GATM: variants seen among roughly 807,000 people sequenced by gnomAD.
The protein encoded by GATM is glycine amidinotransferase, also known as glycine amidinotransferase, mitochondrial.
GATM carries 23 observed loss-of-function variants against 54.2 expected under a neutral mutation model. The ratio of observed to expected loss-of-function variants is 0.42; its 90% CI spans 0.31 to 0.60. GATM has a LOEUF of 0.60. GATM is among the 20% of genes least tolerant of loss of function. The probability of loss-of-function intolerance (pLI) is 0.14; values close to 1 mark genes in which losing one functional copy is unlikely to be tolerated. For missense variants in GATM, 401 were observed against 544.9 expected, an observed-to-expected ratio of 0.74 and a Z score of 2.63; for synonymous variants, 168 against 183.1, an observed-to-expected ratio of 0.92 and a Z score of 0.67.
rs1288775 is a variant in GATM, at chr15:45,369,480, T to G, written c.330A>C (p.Gln110His). Residue 110 changes from glutamine to histidine, a missense_variant, in exon 3 of 9, where the codon CAA becomes CAC. Coordinates refer to ENST00000396659, the MANE Select transcript of GATM (RefSeq NM_001482.3). The part of the protein sequence containing the change: ...YEKYWPFYQK[Q>H]GGHYFPKDHL... Reference sequence around the variant, plus strand: ...GATCTTTGGGAAAATAATGCCCTCCTTGCTTCTGGTAAAATGGCCAGTACT... The same window carrying G: ...GATCTTTGGGAAAATAATGCCCTCCGTGCTTCTGGTAAAATGGCCAGTACT... 6.2e-7 allele frequency: 1 copy of G among 1,613,328 alleles called. No individual in the cohort carries two copies. Among genetic ancestry groups the G allele is most frequent in the African/African-American group, 1.3e-5 (1 of 74,880 alleles).
intron 3 of GATM, among the ~76,000 whole-genome samples, chr15:45,384,304 T>C (rs952233197): frequency 6.6e-6 from 1 of 152,208 alleles, no homozygotes; most frequent in Non-Finnish European, 1.5e-5. Context: ...CTTCTTAGGA[T>C]AATGCTATAC....
chr15:45,369,788 G>A (rs1397680245), intron 2 of GATM: 11 of 462,284 alleles, frequency 2.4e-5, no homozygotes, highest in African/African-American at 2.2e-4. Flanking sequence ...CTAACAGCAT[G>A]TTTACCTTCA....
chr15:45,370,340 C>T (rs1345494141), intron 2 of GATM, among the ~76,000 whole-genome samples: 3 of 148,622 alleles, frequency 2.0e-5, no homozygotes, highest in Non-Finnish European at 4.4e-5. Context: ...CGTGCCACTG[C>T]ACTCCAGCCT....
chr15:45,376,515 G>C, intron 2 of GATM, 86 bp downstream of exon 2: 2 of 1,121,742 alleles, frequency 1.8e-6, no homozygotes, highest in South Asian at 2.5e-5. Context: ...AGGTCTGGGA[G>C]TAAGCTGAAG....
chr15:45,399,967 A>C (rs1889979323), intron 1 of GATM, among the ~76,000 whole-genome samples: 3 of 152,228 alleles, frequency 2.0e-5, no homozygotes, highest in African/African-American at 7.2e-5. Context: ...CATGCCTGTA[A>C]TCTCAGCACT....
At chr15:45,365,652 G>A (rs1016911834) in intron 6 of GATM, among the ~76,000 whole-genome samples, 2 of 152,224 alleles carry the variant, frequency 1.3e-5, no homozygotes, top group Non-Finnish European at 2.9e-5. Context: ...CTACCCCACT[G>A]TAGAGGGAAT....
chr15:45,391,854 A>C (rs770220220), intron 3 of GATM, among the ~76,000 whole-genome samples: 11 of 152,356 alleles, frequency 7.2e-5, no homozygotes, highest in Non-Finnish European at 1.2e-4. Context: ...AGAAAAAAAA[A>C]CACAAAAAAT....
intron 4 of GATM, among the ~76,000 whole-genome samples, chr15:45,366,829 A>G (rs891638892): frequency 6.6e-6 from 1 of 152,216 alleles, no homozygotes; most frequent in Non-Finnish European, 1.5e-5. Flanking sequence ...GAGAGACCAC[A>G]TTCACCTAAC....
chr15:45,392,045 C>G (rs1455003330), intron 3 of GATM, among the ~76,000 whole-genome samples: 1 of 152,148 alleles, frequency 6.6e-6, no homozygotes, highest in Non-Finnish European at 1.5e-5. Flanking sequence ...TGACTTAACC[C>G]TTCTGTACCT....
intron 1 of GATM, among the ~76,000 whole-genome samples, chr15:45,401,031 G>A (rs951698829): frequency 1.5e-4 from 23 of 152,050 alleles, no homozygotes; most frequent in African/African-American, 5.3e-4. Context: ...AAGAACTGAA[G>A]CCAATGGGAT....
In GATM at chr15:45,364,552, C is replaced by T. The variant is rs1199958577; in HGVS notation, c.1042+245G>A. On this transcript the variant is annotated intron_variant, in intron 7 of 8. Transcript: ENST00000396659. Reference sequence around the variant, plus strand: ...ACTGTCTCAAAAAAAAAAAAAAAGTCATATCTTGCTTTACGTGATGTTGTT... The same window carrying T: ...ACTGTCTCAAAAAAAAAAAAAAAGTTATATCTTGCTTTACGTGATGTTGTT... 6.9e-6 allele frequency: 3 copies of T among 433,818 alleles called. No individual in the cohort carries two copies. In the Admixed American group the frequency reaches 1.1e-4, roughly 16 times the overall value. The allele number at this position is 433,818 out of a possible 1,614,324, so 26.9% of individuals were successfully genotyped here. A position where few individuals can be genotyped will look rare whatever the true frequency, so the allele number is the denominator to read the frequency against.
intron 2 of GATM, among the ~76,000 whole-genome samples, chr15:45,371,829 CTCA>C (rs1391996777): frequency 6.6e-6 from 1 of 152,224 alleles, no homozygotes; most frequent in African/African-American, 2.4e-5. Context: ...ATGGCTTTTA[CTCA>C]TCAAGACTGA....
intron 2 of GATM, among the ~76,000 whole-genome samples, chr15:45,374,213 A>C (rs777732722): frequency 2.6e-5 from 4 of 152,238 alleles, no homozygotes; most frequent in Non-Finnish European, 5.9e-5. Flanking sequence ...TTTTTATCAA[A>C]TACCTAATTA....
Position 45,376,834 on chromosome 15 carries a change from G to T in GATM, c.70-15C>A. 6.2e-7 allele frequency: 1 copy of T among 1,607,226 alleles called. No homozygotes were observed. Among genetic ancestry groups the T allele is most frequent in the Non-Finnish European group, 8.5e-7 (1 of 1,176,096 alleles). ...GTTCGTCCAAGCTTCCAAGAACAAAGAAAAGATTATTGTATTGCATTGCTC... is the reference window on the plus strand; with the variant it reads ...GTTCGTCCAAGCTTCCAAGAACAAATAAAAGATTATTGTATTGCATTGCTC... On this transcript the variant is annotated splice_polypyrimidine_tract_variant and intron_variant, in intron 1 of 8. Coordinates refer to ENST00000396659, the MANE Select transcript of GATM (RefSeq NM_001482.3).
At chr15:45,386,309 T>G (rs570960343) in intron 3 of GATM, among the ~76,000 whole-genome samples, 1 of 152,366 alleles carries the variant, frequency 6.6e-6, no homozygotes, top group African/African-American at 2.4e-5. Context: ...AACCTTTATA[T>G]TCTTCTTTCT....
chr15:45,399,220 C>A (rs1238267941), intron 2 of GATM, among the ~76,000 whole-genome samples: 1 of 152,160 alleles, frequency 6.6e-6, no homozygotes, highest in Non-Finnish European at 1.5e-5. Flanking sequence ...TAGGAACAGT[C>A]TCATTTTTAT....
intron 2 of GATM, among the ~76,000 whole-genome samples, chr15:45,371,814 T>G (rs1263599150): frequency 6.6e-6 from 1 of 152,240 alleles, no homozygotes; most frequent in East Asian, 1.9e-4. Flanking sequence ...GTTCAAATTG[T>G]CCCAATGGCT....
rs367611690 is a variant in GATM, at chr15:45,365,539, G to A, written c.978+507C>T. On this transcript the variant is annotated intron_variant, in intron 6 of 8. Coordinates refer to ENST00000396659, the MANE Select transcript of GATM (RefSeq NM_001482.3). ...TCACTCATCACCTAACTGGAAGTAGGAGGCTATGGACAGAAAGTAGGAGGC... is the reference window on the plus strand; with the variant it reads ...TCACTCATCACCTAACTGGAAGTAGAAGGCTATGGACAGAAAGTAGGAGGC... Among the ~76,000 whole-genome samples the A allele has an allele frequency of 5.9e-5, 9 of 152,192 alleles. No homozygotes were observed. In the South Asian group the frequency reaches 1.4e-3, roughly 24 times the overall value.
intron 8 of GATM, 178 bp downstream of exon 8, chr15:45,363,722 G>C: frequency 1.6e-6 from 1 of 615,794 alleles, no homozygotes; most frequent in Non-Finnish European, 2.9e-6. Context: ...CCAACTTGTT[G>C]GGGCTACGTG....
Sources: gnomAD v4.1 joint callset for allele counts (sites outside exome capture counted in the v4.1 genomes callset) on GRCh38, gnomAD v4.1.1 for gene constraint, MANE v1.5 for transcripts, NCBI Gene and HGNC (gene_info 2026-07-23, HGNC 2026-07-21) for gene names.